MAML2: variants seen among roughly 807,000 people sequenced by gnomAD.
MAML2 encodes mastermind-like protein 2.
MAML2 carries 22 observed loss-of-function variants against 96.1 expected under a neutral mutation model. The observed-to-expected ratio is 0.23, with a 90% confidence interval of 0.16 to 0.33. The LOEUF (loss-of-function observed/expected upper bound fraction) is 0.33. Among genes scored for constraint, MAML2 ranks in the 10% least tolerant of loss-of-function variants. The pLI is 1.00. For missense variants in MAML2, 1,367 were observed against 1,392.4 expected (o/e 0.98, Z 0.29); for synonymous variants, 561 against 521.3 (o/e 1.08, Z -1.04).
intron 1 of MAML2, among the ~76,000 whole-genome samples, chr11:96,308,316 T>C (rs920134077): frequency 2.0e-5 from 3 of 152,178 alleles, no homozygotes; most frequent in African/African-American, 7.2e-5. Context: ...TAAACAATAG[T>C]AGAATTCTGA....
chr11:96,163,114 A>G (rs1347096866), intron 1 of MAML2, among the ~76,000 whole-genome samples: 1 of 152,194 alleles, frequency 6.6e-6, no homozygotes, highest in Non-Finnish European at 1.5e-5. Flanking sequence ...TGGAGTGCAC[A>G]CTATAAACGT....
chr11:96,204,096 T>G (rs2135933115), intron 1 of MAML2, among the ~76,000 whole-genome samples: 1 of 152,190 alleles, frequency 6.6e-6, no homozygotes, highest in East Asian at 1.9e-4. Context: ...GAGAGGTTTC[T>G]GGAACTGAGG....
intron 1 of MAML2, among the ~76,000 whole-genome samples, chr11:96,188,594 C>T (rs778700654): frequency 1.2e-4 from 18 of 151,782 alleles, no homozygotes; most frequent in African/African-American, 4.1e-4. Flanking sequence ...TTTTTGAAAA[C>T]GTTAAGTCCT....
chr11:96,235,152 A>G (rs1296458621), intron 1 of MAML2, among the ~76,000 whole-genome samples: 6 of 152,106 alleles, frequency 3.9e-5, no homozygotes. Flanking sequence ...CAAGTTTGGG[A>G]TGTGGCTCAT....
At chr11:96,320,543 G>A (rs1044552697) in intron 1 of MAML2, among the ~76,000 whole-genome samples, 3 of 152,268 alleles carry the variant, frequency 2.0e-5, no homozygotes, top group East Asian at 1.9e-4. Context: ...TCCCACTTGG[G>A]GGTTGATTGT....
intron 1 of MAML2, among the ~76,000 whole-genome samples, chr11:96,208,063 C>T (rs965666521): frequency 1.1e-4 from 17 of 152,164 alleles, no homozygotes; most frequent in African/African-American, 4.1e-4. Flanking sequence ...CAACAGGCCA[C>T]ATTTTTTGCT....
intron 1 of MAML2, among the ~76,000 whole-genome samples, chr11:96,192,301 C>T (rs1861664849): frequency 6.6e-6 from 1 of 152,182 alleles, no homozygotes; most frequent in African/African-American, 2.4e-5. Context: ...GCAACACTTG[C>T]TAGCTCTCCA....
chr11:96,089,940 A>G (rs1414494185), intron 2 of MAML2, among the ~76,000 whole-genome samples: 1 of 36,956 alleles, frequency 2.7e-5, no homozygotes, highest in Admixed American at 2.0e-4. Context: ...GCATTGGAAC[A>G]TGTTTGTTGA....
At chr11:95,983,338 A>G (rs1591076404) in intron 4 of MAML2, among the ~76,000 whole-genome samples, 3 of 152,204 alleles carry the variant, frequency 2.0e-5, no homozygotes, top group African/African-American at 7.2e-5. Flanking sequence ...GTTCTCATCC[A>G]TATGTGTAAG....
chr11:96,296,545 A>T (rs1207840618), intron 1 of MAML2, among the ~76,000 whole-genome samples: 1 of 152,192 alleles, frequency 6.6e-6, no homozygotes, highest in African/African-American at 2.4e-5. Flanking sequence ...GGGGAGGCTG[A>T]GGCAGGAGAA....
intron 2 of MAML2, among the ~76,000 whole-genome samples, chr11:96,075,692 T>C (rs1028728053): frequency 1.1e-4 from 17 of 152,184 alleles, no homozygotes; most frequent in Non-Finnish European, 2.5e-4. Flanking sequence ...CTGAGTGGCT[T>C]CCCAAAGGAA....
At chr11:96,184,284 C>A (rs905406532) in intron 1 of MAML2, among the ~76,000 whole-genome samples, 1 of 151,876 alleles carries the variant, frequency 6.6e-6, no homozygotes, top group East Asian at 1.9e-4. Context: ...CTACTAAAAA[C>A]GTAAAAATTA....
chr11:96,176,792 A>C (rs1861394169), intron 1 of MAML2, among the ~76,000 whole-genome samples: 1 of 152,110 alleles, frequency 6.6e-6, no homozygotes, highest in Admixed American at 6.5e-5. Context: ...CAGGCACTTT[A>C]ATCTTTCCAG....
chr11:96,011,783 G>C (rs1442694081), intron 2 of MAML2, among the ~76,000 whole-genome samples: 1 of 152,122 alleles, frequency 6.6e-6, no homozygotes, highest in Non-Finnish European at 1.5e-5. Flanking sequence ...AGAATAAATG[G>C]AATTTTTTTT....
intron 1 of MAML2, among the ~76,000 whole-genome samples, chr11:96,122,497 GGTGTGT>G (rs67940033): frequency 0.014 from 1,883 of 135,750 alleles, 36 homozygotes; most frequent in African/African-American, 0.04. Context: ...TTTTAGGCTG[GGTGTGT>G]GTGTGTGTGT....
At position 96,272,812 on chromosome 11, in the gene MAML2, C is replaced by T. The variant is rs1241233190; in HGVS notation, c.513+68571G>A. ...TGCTGTACAATTAAGCTATTTAAGC[C>T]TTCGACTTAGTGCTCTTTGTGCTAC... On this transcript the variant is annotated intron_variant, in intron 1 of 4. Transcript: ENST00000524717. 2.0e-5 allele frequency among the ~76,000 whole-genome samples: 3 copies of T among 152,190 alleles called. No individual in the cohort carries two copies. In the East Asian group the frequency reaches 5.8e-4, roughly 29 times the overall value.
At chr11:96,032,556 T>C (rs963776542) in intron 2 of MAML2, among the ~76,000 whole-genome samples, 13 of 130,410 alleles carry the variant, frequency 1.0e-4, no homozygotes, top group African/African-American at 3.3e-4. Flanking sequence ...CACTGCACTC[T>C]AGCCTGGGTG....
chr11:96,336,990 C>T lies in MAML2; in HGVS notation c.513+4393G>A, dbSNP rs148593343. Among the ~76,000 whole-genome samples the T allele has an allele frequency of 6.8e-4, 103 of 152,280 alleles. No individual in the cohort carries two copies. The Middle Eastern group carries it at 0.01, about 15-fold the overall frequency. ...CAAGATATCTTGGTTTACATGATAA[C>T]ATCACCTTGATGTCAAAGAAAGGTT... On this transcript the variant is annotated intron_variant, in intron 1 of 4. Coordinates refer to ENST00000524717, the MANE Select transcript of MAML2 (RefSeq NM_032427.4).
chr11:96,034,302 A>G (rs1295138941), intron 2 of MAML2, among the ~76,000 whole-genome samples: 3 of 152,194 alleles, frequency 2.0e-5, no homozygotes, highest in African/African-American at 7.2e-5. Flanking sequence ...TCTAATGACT[A>G]ACAACCAATC....
Sources: allele counts gnomAD v4.1 joint callset (sites outside exome capture counted in the v4.1 genomes callset), GRCh38; gene constraint gnomAD v4.1.1; transcripts MANE v1.5; gene names NCBI Gene and HGNC (gene_info 2026-07-23, HGNC 2026-07-21).